HIVEP1: variants seen among roughly 807,000 people sequenced by gnomAD.
HIVEP1 encodes zinc finger protein 40.
HIVEP1 carries 36 observed loss-of-function variants against 180.0 expected under a neutral mutation model. The observed-to-expected ratio is 0.20, with a 90% CI of 0.15 to 0.26. The LOEUF (loss-of-function observed/expected upper bound fraction) is 0.26, where lower values mean the gene tolerates loss of function less well. Among genes scored for constraint, HIVEP1 ranks in the 10% least tolerant of loss-of-function variants. The pLI, the probability that HIVEP1 is intolerant of heterozygous loss-of-function variation, is 1.00. For synonymous variants in HIVEP1, 1,239 were observed against 1,239.0 expected, an observed-to-expected ratio of 1.00 and a Z score of 0.00; for missense variants, 3,143 against 3,268.7, an observed-to-expected ratio of 0.96 and a Z score of 0.94.
chr6:12,178,301 A>G, the HIVEP1 span, among the ~76,000 whole-genome samples: 1 of 152,252 alleles, frequency 6.6e-6, no homozygotes, highest in Non-Finnish European at 1.5e-5. Context: ...AAACTGTGAG[A>G]ATAAGATCCG....
At chr6:12,126,865 G>T (rs148902896) in intron 4 of HIVEP1, among the ~76,000 whole-genome samples, 1,587 of 152,124 alleles carry the variant, frequency 0.01, 26 homozygotes, top group African/African-American at 0.036. Context: ...AGAAGAAGCA[G>T]CTTTTTTTTT....
At chr6:12,119,216 G>A (rs1301018872) in intron 3 of HIVEP1, among the ~76,000 whole-genome samples, 1 of 152,218 alleles carries the variant, frequency 6.6e-6, no homozygotes, top group Non-Finnish European at 1.5e-5. Flanking sequence ...GAGGAGTTTT[G>A]GGGTTGGTTA....
intron 2 of HIVEP1, among the ~76,000 whole-genome samples, chr6:12,083,691 T>G (rs574626289): frequency 4.9e-4 from 75 of 152,162 alleles, no homozygotes; most frequent in Non-Finnish European, 9.6e-4. Context: ...TTGGTTAGTA[T>G]GATGAAGAAT....
chr6:12,166,445 A>G (rs1642533102), downstream of HIVEP1, among the ~76,000 whole-genome samples: 1 of 152,160 alleles, frequency 6.6e-6, no homozygotes, highest in Admixed American at 6.5e-5. Flanking sequence ...ACTTTTCAAG[A>G]TTCTTATTTT....
At chr6:12,076,105 GC>G (rs148451952) in intron 2 of HIVEP1, among the ~76,000 whole-genome samples, 7,640 of 152,126 alleles carry the variant, frequency 0.05, 204 homozygotes, top group South Asian at 0.1. Flanking sequence ...TTGTCTTATA[GC>G]TTTTTTACCA....
Position 12,124,463 on chromosome 6 carries a change from T to C in HIVEP1, c.4668T>C (p.Phe1556=). Residue 1556 remains phenylalanine (F), a synonymous_variant, in exon 4 of 9, where the codon TTT becomes TTC. Transcript: ENST00000379388. ...LSGSSKSEDC[F]APKYQLHCQV... ...GGTCTTCTAAAAGTGAGGATTGCTT[T>C]GCTCCCAAATACCAATTGCATTGTC... The C allele has an allele frequency of 8.7e-6, 14 of 1,614,202 alleles. No homozygotes were observed. The highest frequency in any genetic ancestry group is 1.1e-5 in the Non-Finnish European group (13 of 1,180,020).
intron 2 of HIVEP1, among the ~76,000 whole-genome samples, chr6:12,018,236 A>C (rs1486827821): frequency 1.3e-5 from 2 of 152,188 alleles, no homozygotes; most frequent in Admixed American, 1.3e-4. Context: ...TACAAGCGCC[A>C]CGCGCGGCCC....
intron 3 of HIVEP1, among the ~76,000 whole-genome samples, chr6:12,104,957 A>T (rs1774340655): frequency 6.6e-6 from 1 of 152,182 alleles, no homozygotes; most frequent in Non-Finnish European, 1.5e-5. Context: ...AAATCTGTTT[A>T]TAATGTTGGT....
At chr6:12,174,120 T>C in the HIVEP1 span, among the ~76,000 whole-genome samples, 1 of 152,224 alleles carries the variant, frequency 6.6e-6, no homozygotes. Flanking sequence ...AGTCTACTTA[T>C]TATTCATACT....
At chr6:12,153,761 C>G (rs1759848287) in intron 7 of HIVEP1, among the ~76,000 whole-genome samples, 2 of 152,036 alleles carry the variant, frequency 1.3e-5, no homozygotes, top group South Asian at 4.1e-4. Context: ...ACAGAAGGTA[C>G]TAGTGAGAAG....
chr6:12,142,354 A>C (rs111758821), intron 7 of HIVEP1, among the ~76,000 whole-genome samples: 6,535 of 152,326 alleles, frequency 0.043, 172 homozygotes, highest in African/African-American at 0.052. Flanking sequence ...AAGACACAAC[A>C]TATCAGAATC....
chr6:12,073,712 C>G (rs1389225475), intron 2 of HIVEP1, among the ~76,000 whole-genome samples: 1 of 152,096 alleles, frequency 6.6e-6, no homozygotes, highest in East Asian at 1.9e-4. Flanking sequence ...GAGGGTTAGT[C>G]TCATATAGGC....
At chr6:12,095,404 A>C (rs1773725494) in intron 3 of HIVEP1, among the ~76,000 whole-genome samples, 1 of 151,848 alleles carries the variant, frequency 6.6e-6, no homozygotes, top group Admixed American at 6.6e-5. Context: ...TATTGCTTAG[A>C]TGTATCATAC....
At position 12,120,661 on chromosome 6, in the gene HIVEP1, A is replaced by G; in HGVS notation, c.866A>G (p.His289Arg). 5 of 1,614,236 alleles carry G rather than the reference A, an allele frequency of 3.1e-6. No individual in the cohort carries two copies. The South Asian group carries it at 3.3e-5, about 11-fold the overall frequency. The change falls in exon 4 of 9, where the codon CAC becomes CGC. Residue 289 changes from histidine to arginine, a missense_variant. Coordinates refer to ENST00000379388, the MANE Select transcript of HIVEP1 (RefSeq NM_002114.4). Reference sequence around the variant, plus strand: ...TCTCATTTGTATCATCAACATGAACACTTTGTTCCCAAATCCAACCAACAT... The same window carrying G: ...TCTCATTTGTATCATCAACATGAACGCTTTGTTCCCAAATCCAACCAACAT... ...SASHLYHQHE[H>R]FVPKSNQHNQ... is the part of the protein sequence containing the mutation.
chr6:12,047,350 G>C lies in HIVEP1; in HGVS notation c.40+31682G>C, dbSNP rs17676641. On this transcript the variant is annotated intron_variant, in intron 2 of 8. Transcript: ENST00000379388. ...ATTAAAAGACCATGCAGTTTTAAAC[G>C]ACTGGAGACATTTTGTCAGTGTCTT... is the stretch of plus-strand genomic sequence containing the variant. Among the ~76,000 whole-genome samples the C allele has an allele frequency of 4.2e-4, 64 of 152,202 alleles. No homozygotes were observed. In the East Asian group the frequency reaches 9.3e-3, roughly 22 times the overall value.
chr6:12,164,642 T>G lies in HIVEP1; in HGVS notation c.*181T>G, dbSNP rs748483022. 1 of 560,320 alleles carries G rather than the reference T, an allele frequency of 1.8e-6. No individual in the cohort carries two copies. Among genetic ancestry groups the G allele is most frequent in the Non-Finnish European group, 3.1e-6 (1 of 323,006 alleles). 34.7% of individuals were successfully genotyped at this position (560,320 alleles called of 1,614,324 possible). The stretch of plus-strand genomic sequence containing the variant: ...TCCAGCCATTTTTGTACATGTTGTA[T>G]AGACAATTGTGCCTTTTAGGAGCTT... On this transcript the variant is annotated 3_prime_UTR_variant, in exon 9 of 9. Coordinates refer to ENST00000379388, the MANE Select transcript of HIVEP1 (RefSeq NM_002114.4).
At chr6:12,156,858 T>A (rs1760086962) in intron 7 of HIVEP1, among the ~76,000 whole-genome samples, 2 of 152,220 alleles carry the variant, frequency 1.3e-5, no homozygotes, top group Non-Finnish European at 2.9e-5. Flanking sequence ...TATTAGGTCT[T>A]GATAGTGTTT....
At chr6:12,198,374 C>A in the HIVEP1 span, among the ~76,000 whole-genome samples, 1 of 152,130 alleles carries the variant, frequency 6.6e-6, no homozygotes, top group Non-Finnish European at 1.5e-5. Flanking sequence ...TCTTGCAGAT[C>A]TTTTAAATGC....
intron 3 of HIVEP1, among the ~76,000 whole-genome samples, chr6:12,093,082 G>A (rs548440581): frequency 3.7e-4 from 57 of 152,200 alleles, no homozygotes; most frequent in Non-Finnish European, 5.7e-4. Flanking sequence ...TTGTGTTTGC[G>A]CACTAAATGA....
Sources: gnomAD v4.1 joint callset for allele counts (sites outside exome capture counted in the v4.1 genomes callset) on GRCh38, gnomAD v4.1.1 for gene constraint, MANE v1.5 for transcripts, NCBI Gene and HGNC (gene_info 2026-07-23, HGNC 2026-07-21) for gene names.